Variants in DBX2 observed in about 807,000 individuals in gnomAD.
DBX2 encodes developing brain homeobox 2.
DBX2 carries 16 observed loss-of-function variants against 17.7 expected under a neutral mutation model. The observed-to-expected ratio is 0.90, with a 90% CI of 0.61 to 1.37. The LOEUF (loss-of-function observed/expected upper bound fraction) is 1.37, where lower values mean the gene tolerates loss of function less well. Ranked by LOEUF, DBX2 falls within the 40% of genes most tolerant of loss-of-function variation. DBX2 has a pLI of 0.00. For synonymous variants in DBX2, 255 were observed against 183.8 expected, an observed-to-expected ratio of 1.39 and a Z score of -3.13; for missense variants, 538 against 433.8, an observed-to-expected ratio of 1.24 and a Z score of -2.13.
intron 2 of DBX2, among the ~76,000 whole-genome samples, chr12:45,033,002 G>A (rs1034968191): frequency 3.3e-5 from 5 of 152,152 alleles, no homozygotes; most frequent in African/African-American, 1.2e-4. Flanking sequence ...ACTGCTTTGG[G>A]TGAGGGAAGA....
rs531003491 is a variant in DBX2 at position 45,025,143 on chromosome 12, A to C, written c.500-1249T>G. On this transcript the variant is annotated intron_variant, in intron 2 of 3. Transcript: ENST00000332700. ...GGTTGCAAATAGATTAAAGTTGCTA[A>C]TCAACTGACCTTGAGATGAAGAGCG... is the stretch of plus-strand genomic sequence containing the variant. Among the ~76,000 whole-genome samples, 11 of 152,360 alleles carry C rather than the reference A, an allele frequency of 7.2e-5. No individual in the cohort carries two copies. In the Middle Eastern group the frequency reaches 0.017, roughly 236 times the overall value.
chr12:45,024,435 C>T (rs961292571), intron 2 of DBX2, among the ~76,000 whole-genome samples: 1 of 152,194 alleles, frequency 6.6e-6, no homozygotes, highest in Non-Finnish European at 1.5e-5. Context: ...ATACTCTTTG[C>T]TCCCCATTGT....
At chr12:45,019,155 A>G (rs902214537) in intron 3 of DBX2, among the ~76,000 whole-genome samples, 6 of 152,030 alleles carry the variant, frequency 3.9e-5, no homozygotes, top group African/African-American at 1.4e-4. Context: ...TGCTATGCAT[A>G]TTTTACCTCA....
Position 45,048,266 on chromosome 12 carries a change from T to C in DBX2, c.403+2259A>G, listed in dbSNP as rs1450143713. 9.2e-5 allele frequency among the ~76,000 whole-genome samples: 14 copies of C among 152,206 alleles called. No homozygotes were observed. In the South Asian group the frequency reaches 1.7e-3, roughly 18 times the overall value. On this transcript the variant is annotated intron_variant, in intron 1 of 3. Transcript: ENST00000332700. ...ATTTAGATGTGGTGCACTCAACAAA[T>C]TAAGTCTGGGAAAAAAGGGGGTAGT...
chr12:45,041,672 G>A (rs1946472052), intron 1 of DBX2, among the ~76,000 whole-genome samples: 1 of 152,122 alleles, frequency 6.6e-6, no homozygotes, highest in Non-Finnish European at 1.5e-5. Flanking sequence ...TAGAGCTCAT[G>A]AGAAGATATA....
intron 1 of DBX2, among the ~76,000 whole-genome samples, chr12:45,037,739 T>C (rs1453746486): frequency 2.6e-5 from 4 of 152,152 alleles, no homozygotes; most frequent in Non-Finnish European, 4.4e-5. Context: ...AAAATAAGTA[T>C]AGTTTCCAAT....
rs982461921 is a variant in DBX2, at chr12:45,019,262, A to G, written c.688-2644T>C. Among the ~76,000 whole-genome samples the G allele has an allele frequency of 2.6e-5, 4 of 152,142 alleles. No homozygotes were observed. In the South Asian group the frequency reaches 6.2e-4, roughly 24 times the overall value. On this transcript the variant is annotated intron_variant, in intron 3 of 3. Coordinates refer to ENST00000332700, the MANE Select transcript of DBX2 (RefSeq NM_001004329.3). ...ATTCCAAAATTCTTGACTAACAGCC[A>G]AAGTATTGCTACATATCAATAAAAA...
At chr12:45,017,033 G>A (rs1442272620) in intron 3 of DBX2, among the ~76,000 whole-genome samples, 9 of 151,906 alleles carry the variant, frequency 5.9e-5, no homozygotes, top group Admixed American at 2.0e-4. Context: ...CAATCTGCCC[G>A]CCTTGGCCCC....
chr12:45,024,960 A>G (rs1483581958), intron 2 of DBX2, among the ~76,000 whole-genome samples: 1 of 152,230 alleles, frequency 6.6e-6, no homozygotes, highest in Non-Finnish European at 1.5e-5. Context: ...GCCTAGCACA[A>G]TACTGGTTCC....
At chr12:45,020,663 ATGTATATATATG>A (rs914722429) in intron 3 of DBX2, among the ~76,000 whole-genome samples, 2 of 90,578 alleles carry the variant, frequency 2.2e-5, no homozygotes, top group Admixed American at 1.4e-4. Context: ...ATGTATGTAT[ATGTATATATATG>A]TATATATATA....
intron 1 of DBX2, 80 bp downstream of exon 1, chr12:45,050,445 C>G: frequency 6.7e-7 from 1 of 1,499,382 alleles, no homozygotes; most frequent in Non-Finnish European, 8.9e-7. Context: ...GCAGTGCGCA[C>G]CGCCGGCGCT....
chr12:45,037,383 A>G (rs1034986997), intron 1 of DBX2, among the ~76,000 whole-genome samples: 1 of 152,276 alleles, frequency 6.6e-6, no homozygotes, highest in Non-Finnish European at 1.5e-5. Context: ...TTTTTAGTAA[A>G]TGAACAAATG....
chr12:45,034,559 CA>C (rs1158345892), intron 2 of DBX2, among the ~76,000 whole-genome samples: 1 of 152,058 alleles, frequency 6.6e-6, no homozygotes, highest in Non-Finnish European at 1.5e-5. Flanking sequence ...AGGTCACTTC[CA>C]AAATAGTAGT....
intron 1 of DBX2, among the ~76,000 whole-genome samples, chr12:45,047,337 A>C (rs1158307509): frequency 6.6e-6 from 1 of 152,152 alleles, no homozygotes; most frequent in Admixed American, 6.5e-5. Flanking sequence ...TACAACCATG[A>C]CATTTTTTCT....
chr12:45,026,363 G>A (rs1242523264), intron 2 of DBX2, among the ~76,000 whole-genome samples: 1 of 152,162 alleles, frequency 6.6e-6, no homozygotes, highest in African/African-American at 2.4e-5. Context: ...CACTGTTAAT[G>A]CTTACTTTGT....
Position 45,016,215 on chromosome 12 carries a change from G to T in DBX2, c.*71C>A. ...GGCTCTAAGCACTGATGAGGTACAAGCTAGCTGGCATTAGAGTCCAGATGT... is the reference window on the plus strand; with the variant it reads ...GGCTCTAAGCACTGATGAGGTACAATCTAGCTGGCATTAGAGTCCAGATGT... On this transcript the variant is annotated 3_prime_UTR_variant, in exon 4 of 4. Coordinates refer to ENST00000332700, the MANE Select transcript of DBX2 (RefSeq NM_001004329.3). The T allele has an allele frequency of 6.8e-7, 1 of 1,469,766 alleles. No individual in the cohort carries two copies. The highest frequency in any genetic ancestry group is 9.1e-7 in the Non-Finnish European group (1 of 1,099,046). The allele number at this position is 1,469,766 out of a possible 1,614,324, so 91.0% of individuals were successfully genotyped here.
At chr12:45,041,811 T>C (rs1946472865) in intron 1 of DBX2, among the ~76,000 whole-genome samples, 1 of 152,238 alleles carries the variant, frequency 6.6e-6, no homozygotes, top group Non-Finnish European at 1.5e-5. Context: ...AGGAGTTTCC[T>C]TCCTGGAATA....
intron 2 of DBX2, among the ~76,000 whole-genome samples, chr12:45,027,260 T>G (rs1946386101): frequency 6.6e-6 from 1 of 152,244 alleles, no homozygotes; most frequent in African/African-American, 2.4e-5. Context: ...TGTTGTATTT[T>G]ATTTGATCTT....
chr12:45,024,083 T>C (rs1056883909), intron 2 of DBX2, among the ~76,000 whole-genome samples, 189 bp from the exon 3 acceptor site: 3 of 152,104 alleles, frequency 2.0e-5, no homozygotes, highest in Admixed American at 1.3e-4. Flanking sequence ...GTAATCCCCA[T>C]GTGCTGAGGG....
Sources: gnomAD v4.1 joint callset for allele counts (sites outside exome capture counted in the v4.1 genomes callset) on GRCh38, gnomAD v4.1.1 for gene constraint, MANE v1.5 for transcripts, NCBI Gene and HGNC (gene_info 2026-07-23, HGNC 2026-07-21) for gene names.